SRPK1: variants seen among roughly 807,000 people sequenced by gnomAD.
The protein encoded by SRPK1 is SRSF protein kinase 1, also known as SFRS protein kinase 1.
Under a neutral mutation model 89.5 loss-of-function variants are expected in SRPK1, and 52 were observed. The ratio of observed to expected loss-of-function variants is 0.58; its 90% confidence interval spans 0.46 to 0.73. The LOEUF is 0.73. Ranked by LOEUF, SRPK1 falls within the 30% of genes least tolerant of loss-of-function variation. The pLI is 0.00. For missense variants in SRPK1, 603 were observed against 780.6 expected (o/e 0.77, Z 2.71); for synonymous variants, 255 against 270.2 (o/e 0.94, Z 0.55).
chr6:35,905,648 A>T (rs1328065105), intron 2 of SRPK1, among the ~76,000 whole-genome samples: 1 of 152,222 alleles, frequency 6.6e-6, no homozygotes, highest in Non-Finnish European at 1.5e-5. Context: ...ATACTCTAAG[A>T]ACAATAACAA....
In SRPK1 at chr6:35,882,022, T is replaced by G. The variant is rs1770301540; in HGVS notation, c.478+4702A>C. ...TATTTTACCACAATAAAGAAAAAATTAGACCAAAGAGGAAGAAGAACAAGA... is the reference window on the plus strand; with the variant it reads ...TATTTTACCACAATAAAGAAAAAATGAGACCAAAGAGGAAGAAGAACAAGA... On this transcript the variant is annotated intron_variant, in intron 6 of 15. Transcript: ENST00000373825. Among the ~76,000 whole-genome samples the G allele has an allele frequency of 2.7e-5, 4 of 146,296 alleles. No homozygotes were observed. The South Asian group carries it at 8.7e-4, about 32-fold the overall frequency.
chr6:35,852,501 A>C (rs1769576239), intron 13 of SRPK1, among the ~76,000 whole-genome samples: 1 of 152,242 alleles, frequency 6.6e-6, no homozygotes, highest in Non-Finnish European at 1.5e-5. Flanking sequence ...AAAAGAACTC[A>C]AAATATTACT....
chr6:35,838,811 G>C (rs1769240041), intron 14 of SRPK1: 1 of 1,369,972 alleles, frequency 7.3e-7, no homozygotes, highest in African/African-American at 1.5e-5. Context: ...AAAATAGAAG[G>C]GTAAGAAGAA....
intron 14 of SRPK1, among the ~76,000 whole-genome samples, chr6:35,840,272 A>G (rs1392903079): frequency 6.6e-6 from 1 of 152,168 alleles, no homozygotes; most frequent in East Asian, 1.9e-4. Context: ...TATCTTTCTC[A>G]TGTAAAGGAG....
At chr6:35,919,977 A>AT (rs1449887190) in intron 2 of SRPK1, 2 of 426,244 alleles carry the variant, frequency 4.7e-6, no homozygotes, top group African/African-American at 4.1e-5. Flanking sequence ...GAAAAGCCCC[A>AT]TGCCCTCCTC....
At chr6:35,889,906 G>A (rs1258347798) in intron 3 of SRPK1, among the ~76,000 whole-genome samples, 8 of 150,166 alleles carry the variant, frequency 5.3e-5, no homozygotes, top group Non-Finnish European at 3.0e-5. Flanking sequence ...AGACCATCCT[G>A]GCTAACACGG....
chr6:35,916,198 T>C (rs1771096744), intron 2 of SRPK1, among the ~76,000 whole-genome samples: 2 of 151,050 alleles, frequency 1.3e-5, no homozygotes, highest in South Asian at 2.1e-4. Flanking sequence ...CACTCCAGAC[T>C]GGATGACAAG....
At chr6:35,917,749 A>G (rs1354942474) in intron 2 of SRPK1, among the ~76,000 whole-genome samples, 1 of 152,168 alleles carries the variant, frequency 6.6e-6, no homozygotes, top group Admixed American at 6.5e-5. Context: ...TAAGGATGCT[A>G]TTTACTGTAA....
At chr6:35,885,274 C>T (rs1013646627) in intron 6 of SRPK1, among the ~76,000 whole-genome samples, 16 of 130,840 alleles carry the variant, frequency 1.2e-4, no homozygotes, top group African/African-American at 4.5e-4. Flanking sequence ...CACACACACA[C>T]ACACACACAC....
chr6:35,842,486 T>C, intron 14 of SRPK1, 49 bp downstream of exon 14: 1 of 1,452,356 alleles, frequency 6.9e-7, no homozygotes, highest in South Asian at 1.3e-5. Flanking sequence ...TAGCTTAATG[T>C]GGAAAGTGTA....
At chr6:35,905,168 C>T (rs1237828246) in intron 2 of SRPK1, among the ~76,000 whole-genome samples, 4 of 152,022 alleles carry the variant, frequency 2.6e-5, no homozygotes, top group African/African-American at 9.7e-5. Flanking sequence ...AACAGACAAA[C>T]AAAAGTTGTG....
chr6:35,904,939 C>T (rs1175231533), intron 2 of SRPK1: 1 of 429,082 alleles, frequency 2.3e-6, no homozygotes, highest in Admixed American at 2.5e-5. Context: ...GCCAGGAGTT[C>T]AAGACCAGCC....
chr6:35,859,634 G>C (rs757213127), intron 12 of SRPK1, among the ~76,000 whole-genome samples: 48 of 152,144 alleles, frequency 3.2e-4, no homozygotes, highest in Non-Finnish European at 5.3e-4. Flanking sequence ...AACCTATGTT[G>C]TTCAAAAGTT....
rs1364066486 is a variant in SRPK1 at position 35,869,915 on chromosome 6, G to T, written c.992-14C>A. 1 of 1,526,936 alleles carries T rather than the reference G, an allele frequency of 6.5e-7. No homozygotes were observed. The highest frequency in any genetic ancestry group is 1.4e-5 in the African/African-American group (1 of 71,702). 94.6% of individuals were successfully genotyped at this position (1,526,936 alleles called of 1,614,324 possible). A position where few individuals can be genotyped will look rare whatever the true frequency, so the allele number is the denominator to read the frequency against. ...TACTTGACTCTTCTAAGGAACAAAC[G>T]AACAAAAAAAGATATATGCATATGT... On this transcript the variant is annotated splice_polypyrimidine_tract_variant and intron_variant, in intron 10 of 15. Coordinates refer to ENST00000373825, the MANE Select transcript of SRPK1 (RefSeq NM_003137.5).
intron 2 of SRPK1, among the ~76,000 whole-genome samples, chr6:35,913,361 A>C (rs920782887): frequency 1.3e-5 from 2 of 152,210 alleles, no homozygotes; most frequent in African/African-American, 4.8e-5. Context: ...TAAAAAAGAT[A>C]TAACAGTTGA....
chr6:35,897,406 TA>T (rs1456739609), intron 2 of SRPK1, among the ~76,000 whole-genome samples: 1 of 152,338 alleles, frequency 6.6e-6, no homozygotes, highest in East Asian at 1.9e-4. Context: ...ATCCAACTAT[TA>T]ATAAAATAAA....
chr6:35,889,333 G>A (rs1267421423), intron 3 of SRPK1, among the ~76,000 whole-genome samples: 3 of 151,288 alleles, frequency 2.0e-5, no homozygotes, highest in East Asian at 1.9e-4. Context: ...GTAAGCAAAC[G>A]GGATTTTCTC....
At chr6:35,855,870 G>A (rs1489341562) in intron 13 of SRPK1, among the ~76,000 whole-genome samples, 2 of 152,178 alleles carry the variant, frequency 1.3e-5, no homozygotes, top group Non-Finnish European at 1.5e-5. Flanking sequence ...AAGTAGCTGG[G>A]ATTATAGGCA....
At chr6:35,898,111 T>C (rs1190728926) in intron 2 of SRPK1, among the ~76,000 whole-genome samples, 2 of 151,910 alleles carry the variant, frequency 1.3e-5, no homozygotes, top group African/African-American at 2.4e-5. Context: ...TCCAAAGATA[T>C]GGAACCAACC....
Sources: allele counts gnomAD v4.1 joint callset (sites outside exome capture counted in the v4.1 genomes callset), GRCh38; gene constraint gnomAD v4.1.1; transcripts MANE v1.5; gene names NCBI Gene and HGNC (gene_info 2026-07-23, HGNC 2026-07-21).